ATXN10: variants seen among roughly 807,000 people sequenced by gnomAD.
ATXN10 encodes ataxin 10, also known as ataxin-10.
ATXN10 carries 28 observed loss-of-function variants against 52.9 expected under a neutral mutation model. That is an observed-to-expected ratio of 0.53 (90% CI 0.39 to 0.73). The LOEUF (loss-of-function observed/expected upper bound fraction) is 0.73, where lower values mean the gene tolerates loss of function less well. Ranked by LOEUF, ATXN10 falls within the 30% of genes least tolerant of loss-of-function variation. The pLI is 0.00. For synonymous variants in ATXN10, 226 were observed against 221.5 expected (o/e 1.02, Z -0.18); for missense variants, 565 against 577.0 (o/e 0.98, Z 0.21).
At chr22:45,796,471 AC>A (rs1272715442) in intron 9 of ATXN10, among the ~76,000 whole-genome samples, 1 of 151,606 alleles carries the variant, frequency 6.6e-6, no homozygotes, top group African/African-American at 2.4e-5. Flanking sequence ...CTGTTTGTAC[AC>A]CCCTCCCCTT....
chr22:45,793,968 CA>C (rs1408947021), intron 9 of ATXN10, among the ~76,000 whole-genome samples: 2 of 152,240 alleles, frequency 1.3e-5, no homozygotes, highest in Non-Finnish European at 2.9e-5. Flanking sequence ...AGCTCAGAGA[CA>C]GGTCTGCACT....
In ATXN10 at chr22:45,825,031, G is replaced by T. The variant is rs1273953150; in HGVS notation, c.1238-17960G>T. ...CAATTTCAGCTCTAGCTCAGTAGCA[G>T]CTATTCCTCCTCCATCCCCAGTCCT... On this transcript the variant is annotated intron_variant, in intron 10 of 11. Transcript: ENST00000252934. This position sits in a 1 kb window ranked among gnomAD's most constrained non-coding sequence, Gnocchi z 4.5. Among the ~76,000 whole-genome samples the T allele has an allele frequency of 2.0e-5, 3 of 152,242 alleles. No individual in the cohort carries two copies. Among genetic ancestry groups the T allele is most frequent in the Admixed American group, 6.5e-5 (1 of 15,280 alleles).
At chr22:45,803,347 C>T (rs1299708105) in intron 9 of ATXN10, among the ~76,000 whole-genome samples, 1 of 152,168 alleles carries the variant, frequency 6.6e-6, no homozygotes, top group Non-Finnish European at 1.5e-5. Context: ...ATACTCTTCC[C>T]CCTGCCCAAA....
intron 6 of ATXN10, among the ~76,000 whole-genome samples, chr22:45,724,332 TG>T (rs1237869305): frequency 1.3e-5 from 2 of 152,248 alleles, no homozygotes; most frequent in African/African-American, 2.4e-5. Flanking sequence ...CAACATCTGT[TG>T]TTTTTTTTGA....
At chr22:45,808,664 C>T (rs1281359049) in intron 10 of ATXN10, among the ~76,000 whole-genome samples, 2 of 152,226 alleles carry the variant, frequency 1.3e-5, no homozygotes, top group African/African-American at 2.4e-5. Context: ...AACTGAGTCT[C>T]TAGCTTGCCC....
At chr22:45,792,165 C>T (rs1927536478) in intron 9 of ATXN10, among the ~76,000 whole-genome samples, 1 of 152,110 alleles carries the variant, frequency 6.6e-6, no homozygotes, top group African/African-American at 2.4e-5. Context: ...GAAGTCAATT[C>T]TACCCTTCTC....
intron 9 of ATXN10, among the ~76,000 whole-genome samples, chr22:45,788,349 CCA>C (rs1927389758): frequency 6.6e-6 from 1 of 152,030 alleles, no homozygotes; most frequent in South Asian, 2.1e-4. Flanking sequence ...AATGATCCCA[CCA>C]CACATCCATT....
intron 9 of ATXN10, among the ~76,000 whole-genome samples, chr22:45,758,576 TC>T (rs760090954): frequency 6.6e-6 from 1 of 152,250 alleles, no homozygotes; most frequent in Non-Finnish European, 1.5e-5. Context: ...CCATGGAAGT[TC>T]CTGGTTAGTG....
chr22:45,808,696 T>C (rs1928183136), intron 10 of ATXN10, among the ~76,000 whole-genome samples: 2 of 152,234 alleles, frequency 1.3e-5, no homozygotes, highest in African/African-American at 4.8e-5. Flanking sequence ...CCAGATTTTA[T>C]ACATGTGAGT....
chr22:45,693,289 G>T (rs1923457103), intron 3 of ATXN10, among the ~76,000 whole-genome samples: 1 of 152,184 alleles, frequency 6.6e-6, no homozygotes, highest in Non-Finnish European at 1.5e-5. Flanking sequence ...GTATGTTGAA[G>T]TCTGTCTGTT....
rs1239019176 is a variant in ATXN10 at position 45,842,602 on chromosome 22, CAT to C, written c.1238-387_1238-386del. Among the ~76,000 whole-genome samples the C allele has an allele frequency of 6.6e-6, 1 of 152,120 alleles. No homozygotes were observed. Among genetic ancestry groups the C allele is most frequent in the Non-Finnish European group, 1.5e-5 (1 of 68,010 alleles). ...TATTCTTTCCCTAGTGAGTCAGTAA[CAT>C]AATTATTCAACAAAGGAATGTGTGT... On this transcript the variant is annotated intron_variant, in intron 10 of 11. Coordinates refer to ENST00000252934, the MANE Select transcript of ATXN10 (RefSeq NM_013236.4). The surrounding 1 kb of genome is among the most constrained non-coding windows in gnomAD (Gnocchi z 4.8).
rs1015706873 is a variant in ATXN10 at position 45,690,992 on chromosome 22, G to A, written c.308+1089G>A. Among the ~76,000 whole-genome samples the A allele has an allele frequency of 1.3e-5, 2 of 152,118 alleles. No individual in the cohort carries two copies. The highest frequency in any genetic ancestry group is 4.8e-5 in the African/African-American group (2 of 41,412). ...GAAGCCACTTGAGGGACTCCCTTCG[G>A]TTAGACACATATACCCGAGGCTTTG... is the stretch of plus-strand genomic sequence containing the variant. On this transcript the variant is annotated intron_variant, in intron 2 of 11. Coordinates refer to ENST00000252934, the MANE Select transcript of ATXN10 (RefSeq NM_013236.4). This position sits in a 1 kb window ranked among gnomAD's most constrained non-coding sequence, Gnocchi z 4.5.
chr22:45,694,612 T>A (rs1166255763), intron 3 of ATXN10, among the ~76,000 whole-genome samples: 1 of 151,956 alleles, frequency 6.6e-6, no homozygotes, highest in Non-Finnish European at 1.5e-5. Flanking sequence ...TGAAACCCCC[T>A]CTCTACTAAA....
At chr22:45,753,552 T>C (rs1395112883) in intron 9 of ATXN10, among the ~76,000 whole-genome samples, 24 of 151,698 alleles carry the variant, frequency 1.6e-4, no homozygotes, top group Admixed American at 1.6e-3. Context: ...ATTACAGGTG[T>C]GCACCACCAT....
At chr22:45,672,205 C>T in intron 1 of ATXN10, 26 bp downstream of exon 1, 1 of 1,512,850 alleles carries the variant, frequency 6.6e-7, no homozygotes, top group African/African-American at 1.4e-5. Context: ...GGGGGGCTGC[C>T]CCGGGCAGGG....
intron 10 of ATXN10, among the ~76,000 whole-genome samples, chr22:45,815,831 A>G (rs182470146): frequency 1.5e-4 from 23 of 152,236 alleles, no homozygotes; most frequent in Non-Finnish European, 2.9e-4. Flanking sequence ...ATCCATGTAA[A>G]GGATGAATGT....
At chr22:45,792,734 TATAAACA>T (rs779659248) in intron 9 of ATXN10, 11 of 437,734 alleles carry the variant, frequency 2.5e-5, no homozygotes, top group Non-Finnish European at 5.1e-5. Flanking sequence ...TATTTTTAAC[TATAAACA>T]AGCCAAGGTT....
Position 45,683,930 on chromosome 22 carries a change from TA to T in ATXN10, c.117-5781del, listed in dbSNP as rs1328675022. On this transcript the variant is annotated intron_variant, in intron 1 of 11. Transcript: ENST00000252934. This position sits in a 1 kb window ranked among gnomAD's most constrained non-coding sequence, Gnocchi z 4.8. ...CCTCTGTGCTAATTTCACCTTTTCT[TA>T]GCTTCTCTTTCATTTTCTTCTCTTT... 6.6e-6 allele frequency among the ~76,000 whole-genome samples: 1 copy of T among 152,124 alleles called. No homozygotes were observed. Among genetic ancestry groups the T allele is most frequent in the East Asian group, 1.9e-4 (1 of 5,188 alleles).
rs763106541 is a variant in ATXN10 at position 45,824,391 on chromosome 22, T to A, written c.1237+17369T>A. Among the ~76,000 whole-genome samples, 2 of 152,246 alleles carry A rather than the reference T, an allele frequency of 1.3e-5. No homozygotes were observed. The highest frequency in any genetic ancestry group is 4.1e-4 in the South Asian group (2 of 4,832). On this transcript the variant is annotated intron_variant, in intron 10 of 11. Coordinates refer to ENST00000252934, the MANE Select transcript of ATXN10 (RefSeq NM_013236.4). The surrounding 1 kb of genome is among the most constrained non-coding windows in gnomAD (Gnocchi z 5.2). ...CACCTTATCCTGTAATTTAACATTG[T>A]AGCTTTTATAGTACTTTGTAATTAT...
Sources: gnomAD v4.1 joint callset for allele counts (sites outside exome capture counted in the v4.1 genomes callset) on GRCh38, gnomAD v4.1.1 for gene constraint, Gnocchi (gnomAD v3.1) non-coding constraint, MANE v1.5 for transcripts, NCBI Gene and HGNC (gene_info 2026-07-23, HGNC 2026-07-21) for gene names.